The following CLNK variants were observed in gnomAD, a reference collection of about 807,000 sequenced individuals.
The protein encoded by CLNK is cytokine-dependent hematopoietic cell linker.
CLNK carries 74 observed loss-of-function variants against 68.6 expected under a neutral mutation model. The observed-to-expected ratio is 1.08, with a 90% confidence interval of 0.89 to 1.31. CLNK has a LOEUF of 1.31. Among genes scored for constraint, CLNK ranks in the 50% most tolerant of loss-of-function variants. The pLI, the probability that CLNK is intolerant of heterozygous loss-of-function variation, is 0.00. For synonymous variants in CLNK, 198 were observed against 172.2 expected (o/e 1.15, Z -1.17); for missense variants, 553 against 515.3 (o/e 1.07, Z -0.71).
the CLNK span, among the ~76,000 whole-genome samples, chr4:10,700,792 GGTTTTGT>G: frequency 6.6e-6 from 1 of 152,074 alleles, no homozygotes; most frequent in Non-Finnish European, 1.5e-5. Flanking sequence ...AAAGAAACAT[GGTTTTGT>G]GTAAACAATG....
intron 2 of CLNK, among the ~76,000 whole-genome samples, chr4:10,610,088 G>C (rs1226336957): frequency 3.1e-5 from 4 of 130,538 alleles, no homozygotes; most frequent in Non-Finnish European, 4.7e-5. Flanking sequence ...ACGGAGTCTC[G>C]TTCTGTCGCC....
intron 2 of CLNK, among the ~76,000 whole-genome samples, chr4:10,616,405 C>G (rs190023043): frequency 6.6e-6 from 1 of 152,280 alleles, no homozygotes; most frequent in African/African-American, 2.4e-5. Flanking sequence ...TATAACATTG[C>G]GAATAGCACA....
chr4:10,666,346 T>C (rs1469802898), intron 2 of CLNK, among the ~76,000 whole-genome samples: 1 of 152,222 alleles, frequency 6.6e-6, no homozygotes, highest in African/African-American at 2.4e-5. Context: ...TTGTCTATCC[T>C]ATAATGAAAC....
upstream of CLNK, among the ~76,000 whole-genome samples, chr4:10,689,324 G>A (rs923845756): frequency 2.6e-5 from 4 of 151,882 alleles, no homozygotes; most frequent in African/African-American, 9.7e-5. Context: ...TTGTAGAGAT[G>A]GGATCTCCCT....
chr4:10,568,831 C>A (rs566073521), intron 5 of CLNK, among the ~76,000 whole-genome samples: 1 of 152,188 alleles, frequency 6.6e-6, no homozygotes, highest in East Asian at 1.9e-4. Context: ...CCATGCTGTG[C>A]CCAGACTTCT....
intron 1 of CLNK, among the ~76,000 whole-genome samples, chr4:10,673,473 G>T (rs558595542): frequency 6.6e-6 from 1 of 152,252 alleles, no homozygotes; most frequent in African/African-American, 2.4e-5. Context: ...ATACACCATG[G>T]AATACTATGC....
At chr4:10,710,177 G>A in the CLNK span, among the ~76,000 whole-genome samples, 1 of 152,202 alleles carries the variant, frequency 6.6e-6, no homozygotes, top group African/African-American at 2.4e-5. Context: ...TGCCCTCTCT[G>A]TGGGGATCCT....
intron 17 of CLNK, among the ~76,000 whole-genome samples, chr4:10,506,182 A>G (rs1717284922): frequency 6.6e-6 from 1 of 152,154 alleles, no homozygotes; most frequent in Non-Finnish European, 1.5e-5. Context: ...ATTTGACCTG[A>G]TGACAAGTAT....
intron 2 of CLNK, chr4:10,635,993 TC>T (rs1448766015): frequency 6.6e-6 from 1 of 152,126 alleles, no homozygotes; most frequent in Admixed American, 6.5e-5. Flanking sequence ...AACCACTAAC[TC>T]CTGCCGTGGA....
chr4:10,686,309 A>G (rs891705361), upstream of CLNK, among the ~76,000 whole-genome samples: 1 of 152,230 alleles, frequency 6.6e-6, no homozygotes, highest in African/African-American at 2.4e-5. Flanking sequence ...CCCAGTCTCC[A>G]TGTCAGAAGG....
At chr4:10,687,243 C>T (rs902529392), upstream of CLNK, among the ~76,000 whole-genome samples, 2 of 149,844 alleles carry the variant, frequency 1.3e-5, no homozygotes, top group Non-Finnish European at 1.5e-5. Context: ...CATGGAGTTT[C>T]GAATCTAATA....
chr4:10,655,929 G>T (rs1369000669), intron 2 of CLNK, among the ~76,000 whole-genome samples: 1 of 152,004 alleles, frequency 6.6e-6, no homozygotes, highest in Non-Finnish European at 1.5e-5. Flanking sequence ...GATTACAGGC[G>T]TGAGCCACTG....
the CLNK span, among the ~76,000 whole-genome samples, chr4:10,702,517 AGTGCT>A: frequency 6.6e-6 from 1 of 152,218 alleles, no homozygotes; most frequent in Admixed American, 6.5e-5. Context: ...TAGAGAAAGA[AGTGCT>A]GACAGGCAGC....
At chr4:10,614,608 GACACCACCCCAGCCCC>G (rs1014941372) in intron 2 of CLNK, among the ~76,000 whole-genome samples, 1 of 152,198 alleles carries the variant, frequency 6.6e-6, no homozygotes, top group African/African-American at 2.4e-5. Flanking sequence ...CAGAATCCCA[GACACCACCCCAGCCCC>G]ACTGAACCGA....
chr4:10,551,501 T>C (rs988712639), intron 8 of CLNK, among the ~76,000 whole-genome samples: 1 of 152,112 alleles, frequency 6.6e-6, no homozygotes, highest in Non-Finnish European at 1.5e-5. Context: ...ACTCCTGGGC[T>C]CAAGTGATCC....
chr4:10,726,826 G>A, the CLNK span, among the ~76,000 whole-genome samples: 14 of 152,274 alleles, frequency 9.2e-5, no homozygotes, highest in East Asian at 2.7e-3. Flanking sequence ...CTTCCCGTGG[G>A]TATGACAATG....
intron 7 of CLNK, 86 bp downstream of exon 7, chr4:10,564,585 C>G (rs550860279): frequency 2.2e-6 from 2 of 897,772 alleles, no homozygotes; most frequent in Non-Finnish European, 3.7e-6. Context: ...AATAAGATGG[C>G]CTGGGGGACA....
intron 15 of CLNK, among the ~76,000 whole-genome samples, chr4:10,520,155 T>A (rs1396114626): frequency 1.3e-5 from 2 of 152,162 alleles, no homozygotes; most frequent in African/African-American, 4.8e-5. Context: ...GGCTCTAGTT[T>A]GCACAGAATA....
intron 2 of CLNK, among the ~76,000 whole-genome samples, chr4:10,635,209 C>T (rs770834873): frequency 1.4e-4 from 21 of 152,128 alleles, no homozygotes; most frequent in Non-Finnish European, 2.5e-4. Context: ...CCTGAGTTTC[C>T]GACATTCCGT....
Sources: gnomAD v4.1 joint callset for allele counts (sites outside exome capture counted in the v4.1 genomes callset) on GRCh38, gnomAD v4.1.1 for gene constraint, MANE v1.5 for transcripts, NCBI Gene and HGNC (gene_info 2026-07-23, HGNC 2026-07-21) for gene names.